Variants in PPM1B observed in about 807,000 individuals in gnomAD.
The protein encoded by PPM1B is protein phosphatase, Mg2+/Mn2+ dependent 1B.
PPM1B carries 22 observed loss-of-function variants against 43.0 expected under a neutral mutation model. That is an observed-to-expected ratio of 0.51 (90% CI 0.37 to 0.73). The LOEUF is 0.73. PPM1B is among the 30% of genes least tolerant of loss of function. The pLI is 0.00. For missense variants in PPM1B, 632 were observed against 584.2 expected (o/e 1.08, Z -0.84); for synonymous variants, 217 against 197.9 (o/e 1.10, Z -0.81).
intron 1 of PPM1B, among the ~76,000 whole-genome samples, chr2:44,182,130 G>C (rs1158017144): frequency 6.6e-6 from 1 of 152,152 alleles, no homozygotes; most frequent in South Asian, 2.1e-4. Context: ...CAGTGTTTGA[G>C]CTGTTTGGTC....
chr2:44,223,558 C>G (rs1168139760), intron 5 of PPM1B, among the ~76,000 whole-genome samples: 2 of 151,894 alleles, frequency 1.3e-5, no homozygotes, highest in African/African-American at 4.8e-5. Context: ...GCCTGTAATG[C>G]CAGCACTTTG....
intron 1 of PPM1B, among the ~76,000 whole-genome samples, chr2:44,184,746 A>G (rs981086499): frequency 1.3e-5 from 2 of 152,204 alleles, no homozygotes; most frequent in East Asian, 3.9e-4. Flanking sequence ...ACAGACCCAC[A>G]TAGGGATCTA....
intron 1 of PPM1B, among the ~76,000 whole-genome samples, chr2:44,184,363 C>A (rs920025579): frequency 1.3e-5 from 2 of 152,186 alleles, no homozygotes; most frequent in Admixed American, 1.3e-4. Context: ...TTTCCTCCCA[C>A]AACTCTGGTT....
chr2:44,201,624 A>G lies in PPM1B; in HGVS notation c.425A>G (p.Lys142Arg). 5.6e-6 allele frequency: 9 copies of G among 1,614,168 alleles called. No homozygotes were observed. The highest frequency in any genetic ancestry group is 1.7e-5 in the Admixed American group (1 of 60,024). Reference sequence around the variant, plus strand: ...GCAGTGGGAGTTATGATTTCACCTAAGCATATCTACTTTATCAACTGTGGT... The same window carrying G: ...GCAGTGGGAGTTATGATTTCACCTAGGCATATCTACTTTATCAACTGTGGT... ...STAVGVMISP[K>R]HIYFINCGDS... is the part of the protein sequence containing the mutation. Residue 142 changes from lysine (K) to arginine (R), a missense_variant, in exon 2 of 6, where the codon AAG (lysine) becomes AGG (arginine). By Grantham distance (26) the Lys-to-Arg change is conservative. Coordinates refer to ENST00000282412, the MANE Select transcript of PPM1B (RefSeq NM_002706.6). The surrounding 1 kb of genome is among the most constrained non-coding windows in gnomAD (Gnocchi z 5.4).
chr2:44,193,039 C>T (rs889549366), intron 1 of PPM1B, among the ~76,000 whole-genome samples: 23 of 152,098 alleles, frequency 1.5e-4, no homozygotes, highest in African/African-American at 5.6e-4. Context: ...ATGGGAGTGC[C>T]GATACTTCTT....
At chr2:44,237,080 GTTAC>G (rs1219807195), downstream of PPM1B, among the ~76,000 whole-genome samples, 4 of 152,304 alleles carry the variant, frequency 2.6e-5, no homozygotes, top group Non-Finnish European at 5.9e-5. Flanking sequence ...CAATTCTGAA[GTTAC>G]TTTTTAAATT....
intron 2 of PPM1B, among the ~76,000 whole-genome samples, chr2:44,206,832 G>A (rs372331329): frequency 1.3e-5 from 2 of 152,110 alleles, no homozygotes; most frequent in Non-Finnish European, 2.9e-5. Context: ...AAACTGCGGG[G>A]ATTACAGGCA....
chr2:44,198,002 C>T lies in PPM1B; in HGVS notation c.-14-3184C>T, dbSNP rs373106871. The stretch of plus-strand genomic sequence containing the variant: ...GAGCCTGAAGCATCCCTAACACCAC[C>T]GCATTTTCTTTGATAGGAAGCAGAT... On this transcript the variant is annotated intron_variant, in intron 1 of 5. Coordinates refer to ENST00000282412, the MANE Select transcript of PPM1B (RefSeq NM_002706.6). Among the ~76,000 whole-genome samples, 8 of 152,106 alleles carry T rather than the reference C, an allele frequency of 5.3e-5. No individual in the cohort carries two copies. In the East Asian group the frequency reaches 5.8e-4, roughly 11 times the overall value.
chr2:44,219,963 C>T (rs1669897046), intron 5 of PPM1B, among the ~76,000 whole-genome samples: 3 of 151,340 alleles, frequency 2.0e-5, no homozygotes, highest in Middle Eastern at 3.4e-3. Context: ...AAAAAATTGA[C>T]CCAAAGCTGA....
intron 1 of PPM1B, among the ~76,000 whole-genome samples, chr2:44,186,840 G>C (rs1386604195): frequency 6.6e-6 from 1 of 151,962 alleles, no homozygotes; most frequent in African/African-American, 2.4e-5. Context: ...TGACTTTCTA[G>C]CTCTACTCTT....
intron 5 of PPM1B, among the ~76,000 whole-genome samples, chr2:44,227,922 C>CTTTTTT (rs59259343): frequency 2.3e-4 from 25 of 106,760 alleles, no homozygotes; most frequent in Non-Finnish European, 4.3e-4. Context: ...TTTTTCTTTT[C>CTTTTTT]TTTTTTTTTT....
chr2:44,226,971 T>TATTTATCC (rs756776044), intron 5 of PPM1B, among the ~76,000 whole-genome samples: 1 of 142,548 alleles, frequency 7.0e-6, no homozygotes, highest in Non-Finnish European at 1.5e-5. Flanking sequence ...TTTATTTATT[T>TATTTATCC]ATGAATGAAT....
At chr2:44,234,346 C>T (rs1018014535), downstream of PPM1B, 4 of 563,808 alleles carry the variant, frequency 7.1e-6, no homozygotes, top group Non-Finnish European at 9.0e-6. Flanking sequence ...CGGTGAAACC[C>T]TGCCTCTACT....
intron 1 of PPM1B, among the ~76,000 whole-genome samples, chr2:44,181,725 G>C (rs1392385718): frequency 1.3e-5 from 2 of 152,216 alleles, no homozygotes; most frequent in African/African-American, 4.8e-5. Flanking sequence ...TGGCTTGGGT[G>C]CAGAGATGAA....
intron 1 of PPM1B, among the ~76,000 whole-genome samples, chr2:44,171,739 A>G (rs1400293377): frequency 6.6e-6 from 1 of 150,850 alleles, no homozygotes; most frequent in Non-Finnish European, 1.5e-5. Context: ...ATGAGGCAGG[A>G]GAATCACTTG....
intron 1 of PPM1B, among the ~76,000 whole-genome samples, chr2:44,172,315 A>G (rs1303336513): frequency 1.6e-4 from 24 of 152,226 alleles, no homozygotes; most frequent in Admixed American, 1.6e-3. Flanking sequence ...TATTAGCAGA[A>G]TTGATGGTTA....
chr2:44,214,204 G>A (rs191325788), intron 3 of PPM1B, among the ~76,000 whole-genome samples: 88 of 152,052 alleles, frequency 5.8e-4, no homozygotes, highest in South Asian at 5.4e-3. Flanking sequence ...CTCAGCCTCC[G>A]AAGTAGCTGG....
intron 2 of PPM1B, among the ~76,000 whole-genome samples, chr2:44,205,651 C>T (rs1669156919): frequency 1.3e-5 from 2 of 151,886 alleles, no homozygotes; most frequent in Admixed American, 1.3e-4. Context: ...AAAGATCATG[C>T]TATGTTTGTT....
intron 1 of PPM1B, among the ~76,000 whole-genome samples, chr2:44,198,896 T>C (rs1285229997): frequency 2.0e-5 from 3 of 152,140 alleles, no homozygotes; most frequent in Non-Finnish European, 4.4e-5. Context: ...TTAAGCAGTT[T>C]TTTCACTACG....
Sources: allele counts gnomAD v4.1 joint callset (sites outside exome capture counted in the v4.1 genomes callset), GRCh38; gene constraint gnomAD v4.1.1; non-coding constraint Gnocchi (gnomAD v3.1); transcripts MANE v1.5; gene names NCBI Gene and HGNC (gene_info 2026-07-23, HGNC 2026-07-21).